The following SPATA7 variants were observed in gnomAD, a reference collection of about 807,000 sequenced individuals.
SPATA7 encodes spermatogenesis associated 7.
SPATA7 carries 43 observed loss-of-function variants against 51.8 expected under a neutral mutation model. The ratio of observed to expected loss-of-function variants is 0.83; its 90% confidence interval spans 0.65 to 1.07. SPATA7 has a LOEUF of 1.07. Among genes scored for constraint, SPATA7 ranks in the 50% least tolerant of loss-of-function variants. The pLI is 0.00. For synonymous variants in SPATA7, 230 were observed against 252.8 expected (o/e 0.91, Z 0.86); for missense variants, 683 against 701.3 (o/e 0.97, Z 0.30).
At chr14:88,462,671 C>T (rs965249792) in intron 4 of SPATA7, among the ~76,000 whole-genome samples, 4 of 152,210 alleles carry the variant, frequency 2.6e-5, no homozygotes, top group African/African-American at 9.7e-5. Flanking sequence ...AGTGCAGCTA[C>T]ACCACATTGT....
At chr14:88,409,135 C>G (rs2076272505) in intron 4 of SPATA7, among the ~76,000 whole-genome samples, 1 of 152,044 alleles carries the variant, frequency 6.6e-6, no homozygotes, top group Non-Finnish European at 1.5e-5. Context: ...AGGAGTCCCT[C>G]TTTGTCTGTT....
chr14:88,422,337 C>T (rs538811767), intron 5 of SPATA7, among the ~76,000 whole-genome samples: 3 of 152,192 alleles, frequency 2.0e-5, no homozygotes, highest in South Asian at 4.1e-4. Context: ...GAGCTGCTTC[C>T]TTTAGAATAA....
chr14:88,461,583 C>A (rs2077317915), intron 4 of SPATA7, among the ~76,000 whole-genome samples: 1 of 152,140 alleles, frequency 6.6e-6, no homozygotes, highest in South Asian at 2.1e-4. Flanking sequence ...GTGGGAATTA[C>A]CTGATTTTCC....
intron 4 of SPATA7, among the ~76,000 whole-genome samples, chr14:88,461,658 G>T (rs529646534): frequency 6.6e-6 from 1 of 152,008 alleles, no homozygotes; most frequent in South Asian, 2.1e-4. Flanking sequence ...TGCACTTCCC[G>T]GCTGAGGCGA....
downstream of SPATA7, among the ~76,000 whole-genome samples, chr14:88,441,188 TTGTG>T (rs534049280): frequency 0.01 from 1,534 of 151,316 alleles, 33 homozygotes; most frequent in African/African-American, 0.035. Flanking sequence ...TAGTATTCAA[TTGTG>T]TGTGTGTGTG....
downstream of SPATA7, among the ~76,000 whole-genome samples, chr14:88,440,913 T>G (rs779009791): frequency 3.3e-5 from 5 of 152,186 alleles, no homozygotes; most frequent in Non-Finnish European, 7.3e-5. Context: ...TCTGAGATTT[T>G]GGTGCACCCA....
chr14:88,449,549 T>G (rs1160822641), intron 3 of SPATA7, among the ~76,000 whole-genome samples: 1 of 152,232 alleles, frequency 6.6e-6, no homozygotes, highest in Non-Finnish European at 1.5e-5. Flanking sequence ...ATATATACTC[T>G]GCAGTTTTTG....
intron 2 of SPATA7, 32 bp downstream of exon 2, chr14:88,391,487 TAGA>T (rs2075743828): frequency 1.9e-6 from 3 of 1,580,010 alleles, no homozygotes; most frequent in Non-Finnish European, 2.6e-6. Flanking sequence ...GCAGCTTTGT[TAGA>T]AGATTGTCTG....
chr14:88,424,110 CTT>C (rs1430771636), intron 5 of SPATA7, among the ~76,000 whole-genome samples: 3 of 152,318 alleles, frequency 2.0e-5, no homozygotes, highest in Admixed American at 2.0e-4. Flanking sequence ...CCACCAGACT[CTT>C]TGCTCCATTG....
Position 88,429,290 on chromosome 14 carries a change from T to A in SPATA7, c.913-58T>A. 4 of 960,394 alleles carry A rather than the reference T, an allele frequency of 4.2e-6. No individual in the cohort carries two copies. The South Asian group carries it at 5.3e-5, about 13-fold the overall frequency. 59.5% of individuals were successfully genotyped at this position (960,394 alleles called of 1,614,324 possible). ...TCACTTAAAATTTGCTGTGTTATATTCTGCTTTCGTAATGTATTTTTAAGC... is the reference window on the plus strand; with the variant it reads ...TCACTTAAAATTTGCTGTGTTATATACTGCTTTCGTAATGTATTTTTAAGC... On this transcript the variant is annotated intron_variant, in intron 7 of 11. Coordinates refer to ENST00000393545, the MANE Select transcript of SPATA7 (RefSeq NM_018418.5).
chr14:88,386,032 G>C, intron 1 of SPATA7, 195 bp downstream of exon 1: 1 of 1,448,256 alleles, frequency 6.9e-7, no homozygotes, highest in Non-Finnish European at 9.1e-7. Context: ...AGCCTCGCAG[G>C]TCCGCTTCTT....
At chr14:88,415,998 C>T (rs1291667661) in intron 4 of SPATA7, 2 of 152,354 alleles carry the variant, frequency 1.3e-5, no homozygotes, top group Non-Finnish European at 2.9e-5. Flanking sequence ...ACAGCCTTCC[C>T]CTCTCGTTCT....
At chr14:88,463,685 C>CT (rs546659043) in intron 4 of SPATA7, among the ~76,000 whole-genome samples, 314 of 152,166 alleles carry the variant, frequency 2.1e-3, no homozygotes, top group Admixed American at 3.5e-3. Flanking sequence ...TACAAGTGAA[C>CT]TTTTAGAGCA....
intron 3 of SPATA7, among the ~76,000 whole-genome samples, chr14:88,395,835 C>A (rs1018325134): frequency 2.6e-5 from 4 of 152,074 alleles, no homozygotes; most frequent in African/African-American, 7.2e-5. Flanking sequence ...TACAGTAAGT[C>A]TTGAAATCAG....
chr14:88,386,537 C>G (rs1487090008), intron 1 of SPATA7, among the ~76,000 whole-genome samples: 1 of 152,126 alleles, frequency 6.6e-6, no homozygotes, highest in Non-Finnish European at 1.5e-5. Flanking sequence ...TAGCAGCAAT[C>G]CGTACTCACC....
At chr14:88,397,764 A>C (rs970787634) in intron 4 of SPATA7, among the ~76,000 whole-genome samples, 2 of 152,190 alleles carry the variant, frequency 1.3e-5, no homozygotes, top group African/African-American at 4.8e-5. Flanking sequence ...AAAAATTTGA[A>C]AACCCTGTTT....
At chr14:88,387,300 C>T (rs1199820086) in intron 1 of SPATA7, among the ~76,000 whole-genome samples, 34 of 151,828 alleles carry the variant, frequency 2.2e-4, no homozygotes, top group Admixed American at 2.2e-3. Flanking sequence ...TGGGTTCATG[C>T]CAAATGTAAA....
At chr14:88,403,887 C>T (rs1194594345) in intron 4 of SPATA7, among the ~76,000 whole-genome samples, 4 of 151,892 alleles carry the variant, frequency 2.6e-5, no homozygotes, top group African/African-American at 4.8e-5. Context: ...TAAGACAGTA[C>T]ATCTGTGTTC....
At chr14:88,386,686 A>G (rs2075588282) in intron 1 of SPATA7, among the ~76,000 whole-genome samples, 1 of 152,170 alleles carries the variant, frequency 6.6e-6, no homozygotes, top group Non-Finnish European at 1.5e-5. Flanking sequence ...CTGAGCCAGT[A>G]TCATTCTTTC....
Sources: gnomAD v4.1 joint callset for allele counts (sites outside exome capture counted in the v4.1 genomes callset) on GRCh38, gnomAD v4.1.1 for gene constraint, MANE v1.5 for transcripts, NCBI Gene and HGNC (gene_info 2026-07-23, HGNC 2026-07-21) for gene names.